Variants in ESR1 observed in about 807,000 individuals in gnomAD.
ESR1 encodes estrogen receptor.
In ESR1, 12 loss-of-function variants were observed where a neutral mutation model predicts 52.7. That is an observed-to-expected ratio of 0.23 (90% confidence interval 0.15 to 0.37). The LOEUF (loss-of-function observed/expected upper bound fraction) is 0.37. Ranked by LOEUF, ESR1 falls within the 10% of genes least tolerant of loss-of-function variation. ESR1 has a pLI of 1.00. For missense variants in ESR1, 584 were observed against 779.7 expected (o/e 0.75, Z 2.99); for synonymous variants, 305 against 316.8 (o/e 0.96, Z 0.39).
chr6:152,017,363 C>T (rs1488832648), intron 5 of ESR1, among the ~76,000 whole-genome samples: 1 of 152,122 alleles, frequency 6.6e-6, no homozygotes, highest in Non-Finnish European at 1.5e-5. Context: ...CTGTATCCTG[C>T]AGCAGTGAGT....
intron 5 of ESR1, among the ~76,000 whole-genome samples, chr6:152,042,524 TG>T (rs1262028555): frequency 6.6e-6 from 1 of 152,090 alleles, no homozygotes; most frequent in Non-Finnish European, 1.5e-5. Context: ...GGGGGAAGGA[TG>T]GGAGAAAGAG....
rs1045653062 is a variant in ESR1, at chr6:152,050,192, G to C, written c.1236-10799G>C. On this transcript the variant is annotated intron_variant, in intron 5 of 7. Transcript: ENST00000206249. Reference sequence around the variant, plus strand: ...GCAATCATACTTCCCAGCTTCTTCAGCAAGATCTGCTTGGCTGGGAACATG... The same window carrying C: ...GCAATCATACTTCCCAGCTTCTTCACCAAGATCTGCTTGGCTGGGAACATG... 5.9e-5 allele frequency among the ~76,000 whole-genome samples: 9 copies of C among 152,190 alleles called. No homozygotes were observed. The East Asian group carries it at 1.5e-3, about 26-fold the overall frequency.
intron 2 of ESR1, among the ~76,000 whole-genome samples, chr6:151,778,504 C>G (rs1786233106): frequency 1.3e-5 from 2 of 151,042 alleles, no homozygotes; most frequent in Admixed American, 1.3e-4. Context: ...CTCCCAGGTT[C>G]TAGCAATGCT....
chr6:151,695,260 C>T (rs577359467), intron 1 of ESR1, among the ~76,000 whole-genome samples: 1 of 152,270 alleles, frequency 6.6e-6, no homozygotes, highest in East Asian at 1.9e-4. Context: ...AAAGCTGCCA[C>T]CCACTCTCAA....
At chr6:151,752,044 T>G (rs1344933636) in intron 2 of ESR1, among the ~76,000 whole-genome samples, 2 of 152,222 alleles carry the variant, frequency 1.3e-5, no homozygotes, top group African/African-American at 4.8e-5. Context: ...GTATTTTAGT[T>G]GGCAAATTTT....
intron 5 of ESR1, among the ~76,000 whole-genome samples, chr6:152,057,626 A>G (rs1272957358): frequency 6.6e-6 from 1 of 151,962 alleles, no homozygotes; most frequent in Non-Finnish European, 1.5e-5. Context: ...TCTTCCTATC[A>G]TAATATGTCT....
At chr6:151,722,155 A>G (rs3020340) in intron 2 of ESR1, among the ~76,000 whole-genome samples, 48,093 of 152,144 alleles carry the variant, frequency 0.32, 8,180 homozygotes, top group African/African-American at 0.43. Flanking sequence ...CAGCCCCTGA[A>G]CGAGGGATCA....
intron 4 of ESR1, among the ~76,000 whole-genome samples, chr6:151,995,640 A>C (rs1380672436): frequency 2.6e-5 from 4 of 152,310 alleles, no homozygotes; most frequent in East Asian, 1.9e-4. Context: ...GATACAAATC[A>C]TTTGAATTAT....
At chr6:151,686,064 A>ATTTTTTTTTTTTTT (rs557270210), upstream of ESR1, among the ~76,000 whole-genome samples, 508 of 114,280 alleles carry the variant, frequency 4.4e-3, 21 homozygotes, top group African/African-American at 0.02. Context: ...AATTAAAACA[A>ATTTTTTTTTTTTTT]TTTTTTTTTT....
intron 2 of ESR1, among the ~76,000 whole-genome samples, chr6:151,733,218 T>G (rs1320717777): frequency 1.3e-5 from 2 of 152,212 alleles, no homozygotes; most frequent in Non-Finnish European, 2.9e-5. Flanking sequence ...ATGACTTGTC[T>G]GGGACCACAC....
intron 3 of ESR1, among the ~76,000 whole-genome samples, chr6:151,937,802 C>T (rs2034544111): frequency 6.6e-6 from 1 of 152,132 alleles, no homozygotes; most frequent in African/African-American, 2.4e-5. Flanking sequence ...GGTACAGAGA[C>T]TTTGGAGGCA....
intron 2 of ESR1, among the ~76,000 whole-genome samples, chr6:151,744,807 A>G (rs1325322992): frequency 1.3e-5 from 2 of 152,228 alleles, no homozygotes; most frequent in Non-Finnish European, 2.9e-5. Flanking sequence ...CAGGAGACTT[A>G]CAACTCTGTT....
chr6:152,026,117 A>G (rs1233371192), intron 5 of ESR1, among the ~76,000 whole-genome samples: 1 of 152,022 alleles, frequency 6.6e-6, no homozygotes, highest in Non-Finnish European at 1.5e-5. Context: ...TTTGTGGTCT[A>G]ATATAATTTC....
intron 3 of ESR1, among the ~76,000 whole-genome samples, chr6:151,893,108 G>A (rs138239436): frequency 0.019 from 2,933 of 152,264 alleles, 54 homozygotes; most frequent in South Asian, 0.086. Context: ...GGAGAATGGC[G>A]TGAACCTGGG....
At chr6:152,038,545 G>A (rs1332988620) in intron 5 of ESR1, among the ~76,000 whole-genome samples, 2 of 151,990 alleles carry the variant, frequency 1.3e-5, no homozygotes, top group Non-Finnish European at 2.9e-5. Flanking sequence ...TACAACTATC[G>A]TTCATACAAC....
At chr6:151,890,530 C>G (rs1794554919) in intron 3 of ESR1, among the ~76,000 whole-genome samples, 1 of 152,134 alleles carries the variant, frequency 6.6e-6, no homozygotes, top group African/African-American at 2.4e-5. Context: ...TAAGTTTGAA[C>G]TTTCATTATT....
intron 4 of ESR1, among the ~76,000 whole-genome samples, chr6:151,988,909 C>A (rs2040764404): frequency 6.6e-6 from 1 of 151,948 alleles, no homozygotes; most frequent in Admixed American, 6.6e-5. Flanking sequence ...ATACTTTTTA[C>A]AAAACTGAGG....
In ESR1 at chr6:152,100,184, T is replaced by C. The variant is rs570627393; in HGVS notation, c.*1218T>C. ...GGGATCCCTGGGGTAGTCCAGCTCT[T>C]CTTCATTTCCCAGCGTGGCCCTGGT... On this transcript the variant is annotated 3_prime_UTR_variant, in exon 8 of 8. Coordinates refer to ENST00000206249, the MANE Select transcript of ESR1 (RefSeq NM_000125.4). 7.0e-5 allele frequency: 28 copies of C among 397,880 alleles called. No homozygotes were observed. Among genetic ancestry groups the C allele is most frequent in the Non-Finnish European group, 1.2e-4 (26 of 225,824 alleles). 24.6% of individuals were successfully genotyped at this position (397,880 alleles called of 1,614,324 possible).
At chr6:151,719,741 A>G (rs1342196427) in intron 2 of ESR1, among the ~76,000 whole-genome samples, 2 of 152,316 alleles carry the variant, frequency 1.3e-5, no homozygotes, top group African/African-American at 4.8e-5. Context: ...CTTCCCTTAG[A>G]TCACTAGGAA....
Sources: gnomAD v4.1 joint callset for allele counts (sites outside exome capture counted in the v4.1 genomes callset) on GRCh38, gnomAD v4.1.1 for gene constraint, MANE v1.5 for transcripts, NCBI Gene and HGNC (gene_info 2026-07-23, HGNC 2026-07-21) for gene names.